Variants in FLVCR1 observed in about 807,000 individuals in gnomAD.
FLVCR1 encodes choline/ethanolamine transporter FLVCR1.
FLVCR1 carries 34 observed loss-of-function variants against 53.6 expected under a neutral mutation model. That is an observed-to-expected ratio of 0.63 (90% CI 0.48 to 0.84). The LOEUF is 0.84. Among genes scored for constraint, FLVCR1 ranks in the 40% least tolerant of loss-of-function variants. The pLI is 0.00. For synonymous variants in FLVCR1, 300 were observed against 286.3 expected, an observed-to-expected ratio of 1.05 and a Z score of -0.48; for missense variants, 677 against 696.7, an observed-to-expected ratio of 0.97 and a Z score of 0.32.
rs562510497 is a variant in FLVCR1 at position 212,861,429 on chromosome 1, T to C, written c.738+2239T>C. On this transcript the variant is annotated intron_variant, in intron 1 of 9. Coordinates refer to ENST00000366971, the MANE Select transcript of FLVCR1 (RefSeq NM_014053.4). ...TATAAGGTGCTCCCCCAAAGTACTC[T>C]CTTAGCTACCATGATCATATGTCCC... is the stretch of plus-strand genomic sequence containing the variant. 9.8e-5 allele frequency among the ~76,000 whole-genome samples: 15 copies of C among 152,328 alleles called. No individual in the cohort carries two copies. In the East Asian group the frequency reaches 2.9e-3, roughly 29 times the overall value.
At chr1:212,870,490 G>A (rs1380105666) in intron 2 of FLVCR1, among the ~76,000 whole-genome samples, 3 of 152,022 alleles carry the variant, frequency 2.0e-5, no homozygotes, top group Non-Finnish European at 2.9e-5. Context: ...CTGATTCATT[G>A]AGCCTTGGGT....
intron 2 of FLVCR1, among the ~76,000 whole-genome samples, chr1:212,865,062 A>T (rs1664364996): frequency 6.6e-6 from 1 of 152,098 alleles, no homozygotes; most frequent in South Asian, 2.1e-4. Context: ...AGGACACATT[A>T]TTCCTATCCT....
At chr1:212,885,687 A>AT in intron 5 of FLVCR1, 1 of 276,284 alleles carries the variant, frequency 3.6e-6, no homozygotes, top group Non-Finnish European at 6.9e-6. Context: ...AGTAGCTGGG[A>AT]CTACAGGCAC....
Position 212,888,607 on chromosome 1 carries a change from T to C in FLVCR1, c.1413+13T>C. On this transcript the variant is annotated intron_variant, in intron 7 of 9. Coordinates refer to ENST00000366971, the MANE Select transcript of FLVCR1 (RefSeq NM_014053.4). ...TGCTTCTGCACAGGTAAACCTCTGA[T>C]TTCTCTAAACCTGAGATGATTATTA... The C allele has an allele frequency of 6.6e-7, 1 of 1,526,136 alleles. No individual in the cohort carries two copies. 94.5% of individuals were successfully genotyped at this position (1,526,136 alleles called of 1,614,324 possible).
At chr1:212,863,235 G>T (rs1036807292) in intron 1 of FLVCR1, among the ~76,000 whole-genome samples, 1 of 152,128 alleles carries the variant, frequency 6.6e-6, no homozygotes, top group Non-Finnish European at 1.5e-5. Flanking sequence ...ATGTTTTTTG[G>T]ATAGGAGAGA....
chr1:212,888,508 C>G lies in FLVCR1; in HGVS notation c.1327C>G (p.Leu443Val). 6.2e-7 allele frequency: 1 copy of G among 1,613,316 alleles called. No individual in the cohort carries two copies. The highest frequency in any genetic ancestry group is 8.5e-7 in the Non-Finnish European group (1 of 1,179,420). ...TCCTAGCTTCTTCATGACTGGTTAC[C>G]TCCCTTTGGGTTTTGAATTTGCTGT... ...GVLGFFMTGY[L>V]PLGFEFAVEI... Residue 443 changes from leucine to valine, a missense_variant, in exon 7 of 10, where the codon CTC becomes GTC. Leu to Val is a conservative substitution (Grantham distance 32). Coordinates refer to ENST00000366971, the MANE Select transcript of FLVCR1 (RefSeq NM_014053.4).
intron 2 of FLVCR1, among the ~76,000 whole-genome samples, chr1:212,865,959 T>TTTGCCACTGCGC (rs142975532): frequency 0.37 from 34,336 of 92,962 alleles, 5,069 homozygotes; most frequent in East Asian, 0.65. Flanking sequence ...ATTACAGGCA[T>TTTGCCACTGCGC]TTGGCTAATT....
rs12142813 is a variant in FLVCR1 at position 212,898,772 on chromosome 1, C to T, written c.*3482C>T. On this transcript the variant is annotated 3_prime_UTR_variant, in exon 10 of 10. Coordinates refer to ENST00000366971, the MANE Select transcript of FLVCR1 (RefSeq NM_014053.4). ...CATCATGAAGTGTACTTACACAAAC[C>T]TAGGTGGTAGAGCCTACTGCACACC... The T allele has an allele frequency of 6.6e-6, 1 of 152,166 alleles. No individual in the cohort carries two copies. The highest frequency in any genetic ancestry group is 1.5e-5 in the Non-Finnish European group (1 of 68,018). 9.4% of individuals were successfully genotyped at this position (152,166 alleles called of 1,614,324 possible). A position where few individuals can be genotyped will look rare whatever the true frequency, so the allele number is the denominator to read the frequency against.
intron 2 of FLVCR1, among the ~76,000 whole-genome samples, chr1:212,872,086 C>T (rs1338492451): frequency 6.6e-6 from 1 of 152,058 alleles, no homozygotes; most frequent in African/African-American, 2.4e-5. Context: ...TATTGGCTTC[C>T]TCATATCTGA....
In FLVCR1 at chr1:212,895,874, T is replaced by C. The variant is rs536672646; in HGVS notation, c.*584T>C. 6.4e-6 allele frequency: 1 copy of C among 155,456 alleles called. No individual in the cohort carries two copies. The highest frequency in any genetic ancestry group is 2.4e-5 in the African/African-American group (1 of 41,586). The allele number at this position is 155,456 out of a possible 1,614,324, so 9.6% of individuals were successfully genotyped here. Reference sequence around the variant, plus strand: ...CAGATGACCTCTAAGATTTTTCCCATTTATTGTACTCTTGTTACAAAGTAC... The same window carrying C: ...CAGATGACCTCTAAGATTTTTCCCACTTATTGTACTCTTGTTACAAAGTAC... On this transcript the variant is annotated 3_prime_UTR_variant, in exon 10 of 10. Transcript: ENST00000366971.
Position 212,895,003 on chromosome 1 carries a change from C to G in FLVCR1, c.1543C>G (p.Leu515Val). The change falls in exon 9 of 10, where the codon CTG becomes GTG. Residue 515 changes from leucine (L) to valine (V), a missense_variant. By Grantham distance (32) the Leu-to-Val change is conservative. Coordinates refer to ENST00000366971, the MANE Select transcript of FLVCR1 (RefSeq NM_014053.4). ...TGTTTCAGCATTAATCAAGTCTGAT[C>G]TGCGAAGACACAACATAAATATAGG... is the stretch of plus-strand genomic sequence containing the variant. ...IILTALIKSDLRRHNINIGIT... is the reference protein window; with the variant it reads ...IILTALIKSDVRRHNINIGIT... 1 of 1,604,240 alleles carries G rather than the reference C, an allele frequency of 6.2e-7. No individual in the cohort carries two copies. Among genetic ancestry groups the G allele is most frequent in the Non-Finnish European group, 8.5e-7 (1 of 1,171,152 alleles).
At chr1:212,863,624 CCTTTATAAACACTAG>C in intron 1 of FLVCR1, 86 bp from the exon 2 acceptor site, 1 of 1,045,870 alleles carries the variant, frequency 9.6e-7, no homozygotes, top group South Asian at 1.3e-5. Flanking sequence ...TTTCAAAGCA[CCTTTATAAACACTAG>C]CTGTCCTCTT....
chr1:212,872,265 C>T (rs1558112547), intron 2 of FLVCR1, among the ~76,000 whole-genome samples: 1 of 152,140 alleles, frequency 6.6e-6, no homozygotes, highest in African/African-American at 2.4e-5. Context: ...CAGGCATGAG[C>T]CACTGTGCCC....
intron 5 of FLVCR1, 131 bp from the exon 6 acceptor site, chr1:212,887,760 C>T: frequency 1.6e-6 from 1 of 612,486 alleles, no homozygotes; most frequent in South Asian, 1.9e-5. Context: ...TTGGTGGATA[C>T]ATATTTCCAT....
chr1:212,889,314 A>G (rs1381530713), intron 8 of FLVCR1, 57 bp downstream of exon 8: 6 of 1,063,570 alleles, frequency 5.6e-6, no homozygotes, highest in Non-Finnish European at 5.9e-6. Flanking sequence ...ATTTTCATAT[A>G]TATTGCTTCT....
rs1333667940 is a variant in FLVCR1 at position 212,896,490 on chromosome 1, A to G, written c.*1200A>G. On this transcript the variant is annotated 3_prime_UTR_variant, in exon 10 of 10. Transcript: ENST00000366971. The stretch of plus-strand genomic sequence containing the variant: ...TCAGGTAGGGAAAATAGGACCAAAT[A>G]TATTTCCACAGTGCCTACCACTGTG... The G allele has an allele frequency of 2.6e-5, 4 of 152,104 alleles. No homozygotes were observed. Among genetic ancestry groups the G allele is most frequent in the African/African-American group, 9.7e-5 (4 of 41,416 alleles). 9.4% of individuals were successfully genotyped at this position (152,104 alleles called of 1,614,324 possible). A position where few individuals can be genotyped will look rare whatever the true frequency, so the allele number is the denominator to read the frequency against.
chr1:212,879,639 T>C (rs532702554), intron 3 of FLVCR1, among the ~76,000 whole-genome samples: 3 of 152,310 alleles, frequency 2.0e-5, no homozygotes, highest in Non-Finnish European at 4.4e-5. Flanking sequence ...CACTGCAGCC[T>C]TCACCTCCTG....
intron 2 of FLVCR1, among the ~76,000 whole-genome samples, chr1:212,865,907 CTGGGTT>C (rs1664402647): frequency 2.7e-5 from 2 of 73,992 alleles, no homozygotes; most frequent in Non-Finnish European, 7.4e-5. Flanking sequence ...TCTCTGCCTC[CTGGGTT>C]CAAGCAGTTC....
In FLVCR1 at chr1:212,863,784, C is replaced by G. The variant is rs1025750397; in HGVS notation, c.798C>G (p.Asp266Glu). ...TTTTAGTACCCAACACACAGAATGA[C>G]ACAAATCTCCTGGCTTGTAATATCA... Reference protein sequence around the residue: ...PPVLVPNTQNDTNLLACNIST... With the variant: ...PPVLVPNTQNETNLLACNIST... Residue 266 changes from aspartate to glutamate, a missense_variant, in exon 2 of 10, where the codon GAC becomes GAG. By Grantham distance (45) the Asp-to-Glu change is conservative (BLOSUM62 2). Coordinates refer to ENST00000366971, the MANE Select transcript of FLVCR1 (RefSeq NM_014053.4). The G allele has an allele frequency of 3.1e-6, 5 of 1,613,788 alleles. No individual in the cohort carries two copies. The highest frequency in any genetic ancestry group is 4.2e-6 in the Non-Finnish European group (5 of 1,179,712).
Sources: gnomAD v4.1 joint callset for allele counts (sites outside exome capture counted in the v4.1 genomes callset) on GRCh38, gnomAD v4.1.1 for gene constraint, MANE v1.5 for transcripts, NCBI Gene and HGNC (gene_info 2026-07-23, HGNC 2026-07-21) for gene names.